GPR158: variants seen among roughly 807,000 people sequenced by gnomAD.
GPR158 encodes the protein G protein-coupled receptor 158, also known as metabotropic glycine receptor.
In GPR158, 30 loss-of-function variants were observed where a neutral mutation model predicts 78.2. That is an observed-to-expected ratio of 0.38 (90% CI 0.29 to 0.52). The LOEUF (loss-of-function observed/expected upper bound fraction) is 0.52. Among genes scored for constraint, GPR158 ranks in the 20% least tolerant of loss-of-function variants. The pLI, the probability that GPR158 is intolerant of heterozygous loss-of-function variation, is 0.83. For synonymous variants in GPR158, 581 were observed against 591.1 expected (o/e 0.98, Z 0.25); for missense variants, 1,463 against 1,523.5 (o/e 0.96, Z 0.66).
rs574782462 is a variant in GPR158 at position 25,540,180 on chromosome 10, A to G, written c.1405-10796A>G. On this transcript the variant is annotated intron_variant, in intron 5 of 10. Transcript: ENST00000376351. ...AAGAAGACATTTATGCAGCCAAAAG[A>G]CACATGAAAAAATGCTCATCATCAC... 1.7e-3 allele frequency among the ~76,000 whole-genome samples: 255 copies of G among 152,202 alleles called. 1 individual carries two copies. The highest frequency in any genetic ancestry group is 6.0e-3 in the African/African-American group (247 of 41,476).
chr10:25,337,434 G>T (rs1445341367), intron 2 of GPR158, among the ~76,000 whole-genome samples: 1 of 151,910 alleles, frequency 6.6e-6, no homozygotes, highest in East Asian at 1.9e-4. Flanking sequence ...GGCTTTTTTT[G>T]CGTAACAGTT....
intron 1 of GPR158, among the ~76,000 whole-genome samples, chr10:25,203,829 A>C: frequency 6.9e-6 from 1 of 144,366 alleles, no homozygotes; most frequent in Non-Finnish European, 1.5e-5. Context: ...GATGGCACTG[A>C]ATCTATAAAT....
intron 2 of GPR158, among the ~76,000 whole-genome samples, chr10:25,375,212 G>A (rs576768349): frequency 7.3e-5 from 11 of 151,418 alleles, no homozygotes; most frequent in South Asian, 4.1e-4. Flanking sequence ...TGTCCTTTGC[G>A]TATATTCTAA....
chr10:25,241,143 TTCTTTC>T (rs1199662670), intron 2 of GPR158, among the ~76,000 whole-genome samples: 3 of 102,492 alleles, frequency 2.9e-5, no homozygotes, highest in African/African-American at 8.8e-5. Flanking sequence ...CTTTCTTTCT[TTCTTTC>T]TTTCTTTCTT....
chr10:25,396,847 A>C (rs2130530140), intron 3 of GPR158, among the ~76,000 whole-genome samples: 1 of 152,320 alleles, frequency 6.6e-6, no homozygotes, highest in East Asian at 1.9e-4. Context: ...TCAGAGGCTC[A>C]GGGTCCTCTT....
intron 2 of GPR158, among the ~76,000 whole-genome samples, chr10:25,384,977 T>A (rs1254475087): frequency 1.3e-5 from 2 of 152,198 alleles, no homozygotes; most frequent in African/African-American, 4.8e-5. Flanking sequence ...GTGGTAAAAA[T>A]ACATAATATA....
intron 2 of GPR158, among the ~76,000 whole-genome samples, chr10:25,367,050 G>T (rs528624129): frequency 1.2e-4 from 18 of 151,432 alleles, no homozygotes; most frequent in Non-Finnish European, 1.8e-4. Flanking sequence ...TAATTTTAAT[G>T]TATTTCTTTA....
intron 10 of GPR158, 58 bp downstream of exon 10, chr10:25,596,847 GGCGT>G: frequency 1.3e-6 from 2 of 1,486,012 alleles, no homozygotes; most frequent in Non-Finnish European, 1.9e-6. Context: ...TATACAGGCA[GGCGT>G]GTGTGGGTTG....
chr10:25,441,454 T>C (rs1057139246), intron 4 of GPR158, among the ~76,000 whole-genome samples: 1 of 152,250 alleles, frequency 6.6e-6, no homozygotes, highest in Non-Finnish European at 1.5e-5. Context: ...GTCACTATTA[T>C]TAGACACTCA....
intron 5 of GPR158, among the ~76,000 whole-genome samples, chr10:25,469,408 C>T (rs1240612130): frequency 6.6e-6 from 1 of 152,164 alleles, no homozygotes; most frequent in Non-Finnish European, 1.5e-5. Flanking sequence ...GATGGCAGCT[C>T]TATCCTTCTA....
intron 2 of GPR158, among the ~76,000 whole-genome samples, chr10:25,253,811 A>G (rs187670381): frequency 1.0e-3 from 158 of 152,316 alleles, no homozygotes; most frequent in Non-Finnish European, 1.8e-3. Context: ...CTTTTCGAAG[A>G]AAATTATAAA....
Position 25,474,163 on chromosome 10 carries a change from A to C in GPR158, c.1404+7444A>C, listed in dbSNP as rs534365959. Among the ~76,000 whole-genome samples, 179 of 152,218 alleles carry C rather than the reference A, an allele frequency of 1.2e-3. 1 individual carries two copies. The highest frequency in any genetic ancestry group is 1.8e-3 in the Non-Finnish European group (121 of 67,998). ...AATGCAGGCAGCCTCTAGAGGCTGG[A>C]AAAGTCTAGTAAATAAGTTCTTCCC... On this transcript the variant is annotated intron_variant, in intron 5 of 10. Coordinates refer to ENST00000376351, the MANE Select transcript of GPR158 (RefSeq NM_020752.3).
At chr10:25,248,572 A>C (rs925444907) in intron 2 of GPR158, among the ~76,000 whole-genome samples, 1 of 150,974 alleles carries the variant, frequency 6.6e-6, no homozygotes, top group Non-Finnish European at 1.5e-5. Flanking sequence ...TAAATAGGGA[A>C]TCCTTTCCCC....
At chr10:25,294,591 A>G (rs1378935735) in intron 2 of GPR158, among the ~76,000 whole-genome samples, 1 of 151,634 alleles carries the variant, frequency 6.6e-6, no homozygotes, top group Non-Finnish European at 1.5e-5. Flanking sequence ...ATACACCATT[A>G]CAGGTGATAG....
intron 5 of GPR158, among the ~76,000 whole-genome samples, chr10:25,488,254 C>T (rs1322279405): frequency 6.6e-6 from 1 of 152,040 alleles, no homozygotes; most frequent in Non-Finnish European, 1.5e-5. Context: ...CACTTCTCTG[C>T]CATTTAACCT....
chr10:25,480,017 T>G (rs890937011), intron 5 of GPR158, among the ~76,000 whole-genome samples: 2 of 152,158 alleles, frequency 1.3e-5, no homozygotes, highest in Non-Finnish European at 2.9e-5. Context: ...TGTTTTTGTT[T>G]TATTTTCATT....
chr10:25,497,943 G>A (rs1319186666), intron 5 of GPR158, among the ~76,000 whole-genome samples: 1 of 152,108 alleles, frequency 6.6e-6, no homozygotes, highest in African/African-American at 2.4e-5. Flanking sequence ...ACGTTGCTGG[G>A]TTTTAATGTT....
chr10:25,443,511 G>GACC (rs919145576), intron 4 of GPR158, among the ~76,000 whole-genome samples: 45 of 148,350 alleles, frequency 3.0e-4, no homozygotes, highest in African/African-American at 1.1e-3. Context: ...GCCAAGTTCG[G>GACC]ACCACTGCAC....
At chr10:25,542,838 A>AAAAT (rs1161297162) in intron 5 of GPR158, among the ~76,000 whole-genome samples, 3 of 151,692 alleles carry the variant, frequency 2.0e-5, no homozygotes, top group African/African-American at 7.3e-5. Context: ...AAAAAAAAAA[A>AAAAT]AAAAGTTCTA....
Sources: allele counts gnomAD v4.1 joint callset (sites outside exome capture counted in the v4.1 genomes callset), GRCh38; gene constraint gnomAD v4.1.1; transcripts MANE v1.5; gene names NCBI Gene and HGNC (gene_info 2026-07-23, HGNC 2026-07-21).